Variants in BABAM2 observed in about 807,000 individuals in gnomAD.
BABAM2 encodes the protein BRISC and BRCA1-A complex member 2.
Under a neutral mutation model 54.7 loss-of-function variants are expected in BABAM2, and 31 were observed. The ratio of observed to expected loss-of-function variants is 0.57; its 90% CI spans 0.43 to 0.77. The LOEUF is 0.77. Ranked by LOEUF, BABAM2 falls within the 30% of genes least tolerant of loss-of-function variation. The pLI is 0.00. For missense variants in BABAM2, 364 were observed against 455.8 expected (o/e 0.80, Z 1.83); for synonymous variants, 167 against 162.9 (o/e 1.03, Z -0.19).
chr2:28,309,755 C>T (rs1688903367), intron 11 of BABAM2, among the ~76,000 whole-genome samples: 1 of 152,190 alleles, frequency 6.6e-6, no homozygotes, highest in Non-Finnish European at 1.5e-5. Flanking sequence ...GCACAACCAG[C>T]TGAACCAACC....
intron 7 of BABAM2, among the ~76,000 whole-genome samples, chr2:28,191,576 A>G (rs892721105): frequency 1.3e-5 from 2 of 152,358 alleles, no homozygotes; most frequent in African/African-American, 4.8e-5. Flanking sequence ...TGAGTATACT[A>G]TTGGTACGCA....
At chr2:28,247,187 C>CT (rs1420899892) in intron 10 of BABAM2, among the ~76,000 whole-genome samples, 1 of 152,208 alleles carries the variant, frequency 6.6e-6, no homozygotes, top group Non-Finnish European at 1.5e-5. Context: ...ACTCCCCCGG[C>CT]TGTTTGGTCC....
chr2:28,327,457 T>G (rs1690573137), intron 11 of BABAM2: 2 of 1,563,926 alleles, frequency 1.3e-6, no homozygotes, highest in African/African-American at 1.4e-5. Context: ...GGTAAGTATT[T>G]AAAAATACCC....
chr2:28,024,098 C>T (rs902070817), intron 4 of BABAM2, among the ~76,000 whole-genome samples: 6 of 152,098 alleles, frequency 3.9e-5, no homozygotes, highest in Non-Finnish European at 5.9e-5. Flanking sequence ...AAAAAAACAA[C>T]GACAGTTCAC....
chr2:27,923,998 T>G (rs1667506256), intron 2 of BABAM2, among the ~76,000 whole-genome samples: 1 of 152,056 alleles, frequency 6.6e-6, no homozygotes, highest in Admixed American at 6.5e-5. Context: ...TGCAGAAAAG[T>G]AATTAGAAGA....
intron 5 of BABAM2, among the ~76,000 whole-genome samples, chr2:28,031,346 G>A (rs1676278672): frequency 6.6e-6 from 1 of 152,072 alleles, no homozygotes; most frequent in Non-Finnish European, 1.5e-5. Flanking sequence ...GTTTTGTTAG[G>A]GACTTGAATG....
At chr2:28,296,495 C>T (rs1035556881) in intron 10 of BABAM2, among the ~76,000 whole-genome samples, 7 of 151,950 alleles carry the variant, frequency 4.6e-5, no homozygotes, top group East Asian at 3.9e-4. Flanking sequence ...AAGTGCACTC[C>T]GAGTCTAAGA....
chr2:28,298,718 C>T (rs1687890440), intron 11 of BABAM2, among the ~76,000 whole-genome samples: 1 of 152,130 alleles, frequency 6.6e-6, no homozygotes, highest in Non-Finnish European at 1.5e-5. Context: ...GCCTAGAAAA[C>T]AAAAAATATT....
intron 7 of BABAM2, among the ~76,000 whole-genome samples, chr2:28,222,486 T>C (rs1680506493): frequency 1.3e-5 from 2 of 152,222 alleles, no homozygotes; most frequent in Admixed American, 1.3e-4. Flanking sequence ...GGATGCAGTA[T>C]TGATACCTTC....
At chr2:28,237,120 G>T in intron 7 of BABAM2, 82 bp from the exon 8 acceptor site, 1 of 1,182,224 alleles carries the variant, frequency 8.5e-7, no homozygotes, top group Non-Finnish European at 1.2e-6. Context: ...TTTGATGAGA[G>T]AAGCCAAGTC....
intron 3 of BABAM2, among the ~76,000 whole-genome samples, chr2:27,985,838 G>A (rs1672359543): frequency 6.6e-6 from 1 of 152,042 alleles, no homozygotes; most frequent in Non-Finnish European, 1.5e-5. Flanking sequence ...GGTAGCTTGT[G>A]TTTATTATGA....
intron 2 of BABAM2, among the ~76,000 whole-genome samples, chr2:27,915,113 G>A (rs1414408054): frequency 6.6e-6 from 1 of 152,104 alleles, no homozygotes; most frequent in African/African-American, 2.4e-5. Flanking sequence ...CTCTGATTAA[G>A]TCTTTTCATG....
At chr2:28,055,303 C>T (rs1232216431) in intron 6 of BABAM2, among the ~76,000 whole-genome samples, 2 of 152,110 alleles carry the variant, frequency 1.3e-5, no homozygotes, top group South Asian at 2.1e-4. Context: ...AAAAAACTAC[C>T]TGTCAAGTAC....
rs542563656 is a variant in BABAM2 at position 28,164,318 on chromosome 2, C to G, written c.680+34938C>G. On this transcript the variant is annotated intron_variant, in intron 7 of 11. Coordinates refer to ENST00000379624, the MANE Select transcript of BABAM2 (RefSeq NM_199191.3). Reference sequence around the variant, plus strand: ...CGAATGAGAGTTGCCCCTACACCCCCACGTGGAGTTAGAGGAGTGCGTCCT... The same window carrying G: ...CGAATGAGAGTTGCCCCTACACCCCGACGTGGAGTTAGAGGAGTGCGTCCT... Among the ~76,000 whole-genome samples the G allele has an allele frequency of 4.6e-5, 7 of 152,142 alleles. No homozygotes were observed. The East Asian group carries it at 1.3e-3, about 29-fold the overall frequency.
At chr2:28,054,726 C>T (rs1573484660) in intron 6 of BABAM2, among the ~76,000 whole-genome samples, 1 of 152,206 alleles carries the variant, frequency 6.6e-6, no homozygotes, top group African/African-American at 2.4e-5. Flanking sequence ...CTGTAAGAAA[C>T]AACTCTCTGT....
chr2:27,952,804 T>C (rs934454348), intron 3 of BABAM2, among the ~76,000 whole-genome samples: 1 of 152,182 alleles, frequency 6.6e-6, no homozygotes, highest in Non-Finnish European at 1.5e-5. Context: ...AATTGTGTAT[T>C]GAAATTAAAA....
intron 4 of BABAM2, among the ~76,000 whole-genome samples, chr2:28,007,883 A>G (rs1489554709): frequency 6.6e-6 from 1 of 152,058 alleles, no homozygotes; most frequent in African/African-American, 2.4e-5. Context: ...TCTTTTCTCT[A>G]CTTCTGCTAA....
At chr2:28,152,986 T>A (rs1672199497) in intron 7 of BABAM2, among the ~76,000 whole-genome samples, 1 of 152,226 alleles carries the variant, frequency 6.6e-6, no homozygotes, top group Admixed American at 6.5e-5. Context: ...CCTCTTCATT[T>A]AGCTATATCT....
At chr2:28,139,223 G>A (rs1670814809) in intron 7 of BABAM2, among the ~76,000 whole-genome samples, 1 of 150,404 alleles carries the variant, frequency 6.6e-6, no homozygotes, top group Admixed American at 6.7e-5. Flanking sequence ...CTGGGAGGCT[G>A]AGGCAGGAGA....
Sources: gnomAD v4.1 joint callset for allele counts (sites outside exome capture counted in the v4.1 genomes callset) on GRCh38, gnomAD v4.1.1 for gene constraint, MANE v1.5 for transcripts, NCBI Gene and HGNC (gene_info 2026-07-23, HGNC 2026-07-21) for gene names.